Variants in OGG1 observed in about 807,000 individuals in gnomAD.
OGG1 encodes the protein N-glycosylase/DNA lyase.
A neutral mutation model predicts 42.3 loss-of-function variants in OGG1; 35 were observed. That is an observed-to-expected ratio of 0.83 (90% confidence interval 0.63 to 1.10). The LOEUF is 1.10. Among genes scored for constraint, OGG1 ranks in the 50% least tolerant of loss-of-function variants. The pLI is 0.00. For synonymous variants in OGG1, 189 were observed against 179.0 expected (o/e 1.06, Z -0.44); for missense variants, 484 against 446.7 (o/e 1.08, Z -0.75).
chr3:9,762,563 GAC>G (rs2077934952), intron 7 of OGG1, among the ~76,000 whole-genome samples: 1 of 152,050 alleles, frequency 6.6e-6, no homozygotes, highest in Non-Finnish European at 1.5e-5. Flanking sequence ...TTTTGGTAGA[GAC>G]AGGGTTTTGC....
chr3:9,750,957 A>G lies in OGG1; in HGVS notation c.150A>G (p.Gln50=). Reference sequence around the variant, plus strand: ...GCCTTGGGCTCAGGTGGAGGGAGCAAAGTCCTGCACACTGGAGTGGTGTAC... The same window carrying G: ...GCCTTGGGCTCAGGTGGAGGGAGCAGAGTCCTGCACACTGGAGTGGTGTAC... ...PSGQSFRWRE[Q]SPAHWSGVLA... is the part of the protein sequence containing the mutation. The change falls in exon 2 of 7, where the codon CAA becomes CAG. Residue 50 remains glutamine, a synonymous_variant. Coordinates refer to ENST00000344629, the MANE Select transcript of OGG1 (RefSeq NM_002542.6). 1.2e-6 allele frequency: 2 copies of G among 1,614,060 alleles called. No individual in the cohort carries two copies. The highest frequency in any genetic ancestry group is 2.2e-5 in the East Asian group (1 of 44,890).
chr3:9,761,577 C>T (rs756037100), downstream of OGG1: 1 of 1,613,198 alleles, frequency 6.2e-7, no homozygotes, highest in Non-Finnish European at 8.5e-7. Flanking sequence ...AATCTCTGCC[C>T]TTCAACTCCT....
At chr3:9,751,737 A>T in intron 2 of OGG1, 33 bp from the exon 3 acceptor site, 1 of 1,604,968 alleles carries the variant, frequency 6.2e-7, no homozygotes, top group Non-Finnish European at 8.5e-7. Flanking sequence ...AACAGCAGGT[A>T]CCTCTCCTAC....
intron 2 of OGG1, among the ~76,000 whole-genome samples, chr3:9,775,741 G>A (rs921390770): frequency 6.6e-6 from 1 of 151,604 alleles, no homozygotes; most frequent in African/African-American, 2.4e-5. Flanking sequence ...CCAGGTTCAA[G>A]CAATTCTCCT....
chr3:9,762,009 G>C, downstream of OGG1: 2 of 420,278 alleles, frequency 4.8e-6, no homozygotes, highest in East Asian at 9.2e-5. Flanking sequence ...AGGAATGTTT[G>C]AATGCCTATT....
downstream of OGG1, among the ~76,000 whole-genome samples, chr3:9,771,008 T>G (rs984802281): frequency 2.0e-4 from 30 of 151,996 alleles, no homozygotes; most frequent in African/African-American, 7.2e-4. Flanking sequence ...CTTTTTTCTT[T>G]CTTTCTCTTC....
intron 7 of OGG1, among the ~76,000 whole-genome samples, chr3:9,765,557 G>A (rs1169060147): frequency 6.6e-6 from 1 of 152,178 alleles, no homozygotes; most frequent in Non-Finnish European, 1.5e-5. Context: ...CATCACATCT[G>A]TCATGTTAGG....
At chr3:9,779,826 G>C (rs2078419315) in intron 2 of OGG1, 1 of 152,142 alleles carries the variant, frequency 6.6e-6, no homozygotes, top group Non-Finnish European at 1.5e-5. Flanking sequence ...CTCAGAAAGA[G>C]GTACTCAGAA....
downstream of OGG1, chr3:9,761,934 C>A: frequency 1.1e-6 from 1 of 881,186 alleles, no homozygotes; most frequent in Non-Finnish European, 1.7e-6. Flanking sequence ...CCAGGAAGGA[C>A]AAGGCTCAAG....
chr3:9,760,757 T>G (rs1376877334), downstream of OGG1: 2 of 1,613,714 alleles, frequency 1.2e-6, no homozygotes, highest in South Asian at 2.2e-5. Context: ...GAAGGGAGGG[T>G]AACCGCAGAG....
At chr3:9,781,800 A>T (rs1306469168) in intron 3 of OGG1, among the ~76,000 whole-genome samples, 1 of 145,692 alleles carries the variant, frequency 6.9e-6, no homozygotes, top group Non-Finnish European at 1.5e-5. Context: ...GTTTCCTGAG[A>T]GCTGCAAGCC....
At chr3:9,789,686 C>T, downstream of OGG1, 1 of 1,609,142 alleles carries the variant, frequency 6.2e-7, no homozygotes, top group East Asian at 2.2e-5. Context: ...ACCTTGAGGC[C>T]CCCTTCTATG....
downstream of OGG1, chr3:9,759,584 G>A (rs547741149): frequency 1.2e-6 from 2 of 1,614,062 alleles, no homozygotes; most frequent in Non-Finnish European, 1.7e-6. Flanking sequence ...TCCTAGGATG[G>A]GGTTATGTGG....
chr3:9,776,579 A>C (rs553921529), intron 2 of OGG1, among the ~76,000 whole-genome samples: 2 of 151,826 alleles, frequency 1.3e-5, no homozygotes, highest in South Asian at 4.2e-4. Flanking sequence ...TTAGTAGCGA[A>C]GGGGTTTCAC....
intron 2 of OGG1, among the ~76,000 whole-genome samples, chr3:9,775,125 A>T (rs1488780066): frequency 1.3e-5 from 2 of 152,058 alleles, no homozygotes; most frequent in African/African-American, 4.8e-5. Flanking sequence ...CTGTAACCCC[A>T]GCTACTCGGG....
intron 5 of OGG1, 51 bp downstream of exon 5, chr3:9,756,672 TTC>T (rs768746363): frequency 1.5e-5 from 24 of 1,612,192 alleles, no homozygotes; most frequent in African/African-American, 2.7e-5. Context: ...TGGTAGAAAC[TTC>T]TCTCTCTCTT....
chr3:9,750,820 A>T, intron 1 of OGG1, 125 bp from the exon 2 acceptor site: 1 of 1,182,862 alleles, frequency 8.5e-7, no homozygotes, highest in Non-Finnish European at 1.2e-6. Flanking sequence ...CATGTTGCTC[A>T]GACTGGAAGA....
downstream of OGG1, among the ~76,000 whole-genome samples, chr3:9,769,635 C>T (rs987238457): frequency 6.6e-6 from 1 of 152,228 alleles, no homozygotes; most frequent in Non-Finnish European, 1.5e-5. Flanking sequence ...ATTACCCACT[C>T]AGTGTCCCAT....
rs951109117 is a variant in OGG1, at chr3:9,750,012, C to T, written c.-275C>T. The T allele has an allele frequency of 8.1e-5, 42 of 516,948 alleles. No individual in the cohort carries two copies. The highest frequency in any genetic ancestry group is 5.1e-4 in the Middle Eastern group (1 of 1,976). 32.0% of individuals were successfully genotyped at this position (516,948 alleles called of 1,614,324 possible). ...GAACACAGCTGTGCGCGCCCACAGG[C>T]TCTGGGGGCGGGAGAAGATAAGTCG... On this transcript the variant is annotated 5_prime_UTR_variant, in exon 1 of 7. Coordinates refer to ENST00000344629, the MANE Select transcript of OGG1 (RefSeq NM_002542.6).
Sources: allele counts gnomAD v4.1 joint callset (sites outside exome capture counted in the v4.1 genomes callset), GRCh38; gene constraint gnomAD v4.1.1; transcripts MANE v1.5; gene names NCBI Gene and HGNC (gene_info 2026-07-23, HGNC 2026-07-21).